The following NUSAP1 variants were observed in gnomAD, a reference collection of about 807,000 sequenced individuals.
The protein encoded by NUSAP1 is nucleolar and spindle-associated protein 1.
A neutral mutation model predicts 52.8 loss-of-function variants in NUSAP1; 32 were observed. The observed-to-expected ratio is 0.61, with a 90% CI of 0.46 to 0.81. The LOEUF is 0.81. Ranked by LOEUF, NUSAP1 falls within the 40% of genes least tolerant of loss-of-function variation. NUSAP1 has a pLI of 0.00. For synonymous variants in NUSAP1, 195 were observed against 183.1 expected, an observed-to-expected ratio of 1.06 and a Z score of -0.52; for missense variants, 499 against 522.3, an observed-to-expected ratio of 0.96 and a Z score of 0.43.
In NUSAP1 at chr15:41,370,239, G is replaced by A. The variant is rs549237219; in HGVS notation, c.849-1288G>A. On this transcript the variant is annotated intron_variant, in intron 7 of 10. Coordinates refer to ENST00000559596, the MANE Select transcript of NUSAP1 (RefSeq NM_016359.5). ...TACTAAAAATACAAAAAAAATAGCC[G>A]GGCGTAGTGGCGGGCGCCTATAGTC... Among the ~76,000 whole-genome samples the A allele has an allele frequency of 7.3e-5, 11 of 151,614 alleles. No homozygotes were observed. In the South Asian group the frequency reaches 8.3e-4, roughly 11 times the overall value.
Position 41,380,140 on chromosome 15 carries a change from C to CAAAGGTT in NUSAP1, c.1281_1287dup (p.Leu430LysfsTer13), listed in dbSNP as rs1566815151. 6.3e-7 allele frequency: 1 copy of CAAAGGTT among 1,588,342 alleles called. No individual in the cohort carries two copies. Among genetic ancestry groups the CAAAGGTT allele is most frequent in the Non-Finnish European group, 8.6e-7 (1 of 1,167,282 alleles). ...GAGCAAGAACGAAAGGAGAAGAAAG[C>CAAAGGTT]AAAGGTTTTGGGAATGCGAAGGGGC... On this transcript the variant is annotated frameshift_variant, in exon 11 of 11. Transcript: ENST00000559596. LOFTEE classifies it high-confidence loss of function.
intron 6 of NUSAP1, among the ~76,000 whole-genome samples, chr15:41,362,869 A>G (rs1479020561): frequency 6.6e-6 from 1 of 152,116 alleles, no homozygotes; most frequent in African/African-American, 2.4e-5. Context: ...GCTACTCAGG[A>G]GGCTGAGGCA....
chr15:41,375,661 C>T (rs1351767460), intron 8 of NUSAP1, 51 bp from the exon 9 acceptor site: 2 of 1,129,278 alleles, frequency 1.8e-6, no homozygotes, highest in Non-Finnish European at 2.7e-6. Flanking sequence ...AAACACTTTA[C>T]CAGGTCTTTG....
chr15:41,348,692 T>G (rs1004535977), intron 2 of NUSAP1, among the ~76,000 whole-genome samples: 5 of 152,196 alleles, frequency 3.3e-5, no homozygotes, highest in African/African-American at 1.2e-4. Flanking sequence ...CAGGCTGGAG[T>G]GCAATGGCGC....
rs766334975 is a variant in NUSAP1 at position 41,349,136 on chromosome 15, T to G, written c.201T>G (p.Thr67=). The G allele has an allele frequency of 1.2e-6, 2 of 1,613,814 alleles. No individual in the cohort carries two copies. The highest frequency in any genetic ancestry group is 4.5e-5 in the East Asian group (2 of 44,890). ...SQTSASSCDE[T]EIQISNQEEA... The stretch of plus-strand genomic sequence containing the variant: ...CTTCTGCATCCTCTTGTGATGAGAC[T>G]GAGATACAGATCAGCAACCAGGAAG... Residue 67 remains threonine (T), a synonymous_variant, in exon 3 of 11, where the codon ACT becomes ACG. Transcript: ENST00000559596.
At chr15:41,369,941 G>C (rs952552631) in intron 7 of NUSAP1, among the ~76,000 whole-genome samples, 1 of 150,492 alleles carries the variant, frequency 6.6e-6, no homozygotes, top group African/African-American at 2.4e-5. Flanking sequence ...GGTGGCAGTC[G>C]CCTGTAATTC....
At chr15:41,364,273 C>T (rs964263676) in intron 6 of NUSAP1, among the ~76,000 whole-genome samples, 3 of 152,030 alleles carry the variant, frequency 2.0e-5, no homozygotes, top group African/African-American at 4.8e-5. Flanking sequence ...CTAGGCTGGG[C>T]GTGGTGGCTC....
intron 8 of NUSAP1, among the ~76,000 whole-genome samples, chr15:41,374,253 C>A (rs1041004638): frequency 1.3e-5 from 2 of 152,148 alleles, no homozygotes; most frequent in African/African-American, 4.8e-5. Flanking sequence ...GCGGTAATTT[C>A]TTTCTCATAG....
At chr15:41,334,339 G>C (rs2048038735) in intron 1 of NUSAP1, among the ~76,000 whole-genome samples, 1 of 152,086 alleles carries the variant, frequency 6.6e-6, no homozygotes, top group Non-Finnish European at 1.5e-5. Flanking sequence ...GGCTGGTCTC[G>C]AACTCCTGAC....
intron 1 of NUSAP1, among the ~76,000 whole-genome samples, chr15:41,341,363 CAA>C (rs2048361082): frequency 6.6e-6 from 1 of 152,132 alleles, no homozygotes; most frequent in Non-Finnish European, 1.5e-5. Context: ...CCCGCTCAAC[CAA>C]ACTTGACTTT....
chr15:41,373,325 C>G (rs1348401927), intron 8 of NUSAP1, among the ~76,000 whole-genome samples: 1 of 151,572 alleles, frequency 6.6e-6, no homozygotes, highest in African/African-American at 2.4e-5. Context: ...AGAGGTTGCA[C>G]TGAGCTGAGA....
rs536932397 is a variant in NUSAP1 at position 41,352,163 on chromosome 15, C to T, written c.448+1034C>T. On this transcript the variant is annotated intron_variant, in intron 4 of 10. Transcript: ENST00000559596. ...TTCACCATGTTGGCCAGGCTTGTCT[C>T]GAACTCCTGACCTCGTGATCCACCC... is the stretch of plus-strand genomic sequence containing the variant. Among the ~76,000 whole-genome samples the T allele has an allele frequency of 4.1e-3, 621 of 152,044 alleles. 5 individuals are homozygous for T. The highest frequency in any genetic ancestry group is 0.014 in the African/African-American group (592 of 41,482).
chr15:41,365,683 A>G (rs1464408217), intron 7 of NUSAP1, 94 bp downstream of exon 7: 32 of 848,956 alleles, frequency 3.8e-5, no homozygotes, highest in Non-Finnish European at 5.5e-5. Context: ...ATTCGTACAT[A>G]CTCATAGGGT....
At chr15:41,378,331 G>C (rs551218433) in intron 10 of NUSAP1, among the ~76,000 whole-genome samples, 4 of 152,328 alleles carry the variant, frequency 2.6e-5, no homozygotes, top group Admixed American at 6.5e-5. Flanking sequence ...ACGGTCCTTA[G>C]AGGCTTCCTT....
intron 5 of NUSAP1, among the ~76,000 whole-genome samples, chr15:41,357,691 G>A (rs571504971): frequency 3.8e-4 from 57 of 149,858 alleles, no homozygotes; most frequent in African/African-American, 1.3e-3. Context: ...TGATCTGACC[G>A]CTTTGGCTTC....
chr15:41,344,731 A>G (rs934289973), intron 2 of NUSAP1, among the ~76,000 whole-genome samples: 2 of 152,184 alleles, frequency 1.3e-5, no homozygotes, highest in East Asian at 3.9e-4. Flanking sequence ...ACCTGAGGTC[A>G]GGAGTTCAAG....
intron 5 of NUSAP1, 101 bp downstream of exon 5, chr15:41,356,241 A>C (rs1403887946): frequency 5.6e-6 from 4 of 718,444 alleles, no homozygotes; most frequent in Non-Finnish European, 9.6e-6. Context: ...ACCAGTTTAC[A>C]TTCTAGTTCT....
At chr15:41,367,699 G>T in intron 7 of NUSAP1, among the ~76,000 whole-genome samples, 1 of 152,172 alleles carries the variant, frequency 6.6e-6, no homozygotes, top group East Asian at 1.9e-4. Context: ...GTATTCTCCC[G>T]TAGTAAGGAC....
At chr15:41,356,268 G>T in intron 5 of NUSAP1, 128 bp downstream of exon 5, 1 of 657,684 alleles carries the variant, frequency 1.5e-6, no homozygotes, top group Non-Finnish European at 2.7e-6. Context: ...TTTTAGGTTT[G>T]ATATCTTGGG....
Sources: allele counts gnomAD v4.1 joint callset (sites outside exome capture counted in the v4.1 genomes callset), GRCh38; gene constraint gnomAD v4.1.1; transcripts MANE v1.5; gene names NCBI Gene and HGNC (gene_info 2026-07-23, HGNC 2026-07-21).